Variants in DST observed in about 807,000 individuals in gnomAD.
The protein encoded by DST is dystonin, also known as bullous pemphigoid antigen.
DST carries 253 observed loss-of-function variants against 875.2 expected under a neutral mutation model. The ratio of observed to expected loss-of-function variants is 0.29; its 90% CI spans 0.26 to 0.32. The LOEUF (loss-of-function observed/expected upper bound fraction) is 0.32, where lower values mean the gene tolerates loss of function less well. Among genes scored for constraint, DST ranks in the 10% least tolerant of loss-of-function variants. DST has a pLI of 1.00. For synonymous variants in DST, 3,124 were observed against 3,197.1 expected (o/e 0.98, Z 0.77); for missense variants, 8,287 against 9,111.6 (o/e 0.91, Z 3.68).
intron 4 of DST, among the ~76,000 whole-genome samples, chr6:56,796,591 G>GTC (rs1303049014): frequency 2.0e-5 from 3 of 152,182 alleles, no homozygotes; most frequent in African/African-American, 7.2e-5. Flanking sequence ...TGAAATGCTT[G>GTC]TCTCTAGGAT....
rs749307333 is a variant in DST, at chr6:56,482,848, G to A, written c.21237C>T (p.Thr7079=). 8.0e-5 allele frequency: 126 copies of A among 1,574,632 alleles called. No homozygotes were observed. The highest frequency in any genetic ancestry group is 1.0e-4 in the Non-Finnish European group (121 of 1,159,894). ...AGCGCTTCAGGGCCTGCACACTGCTGGTCCTCTTCCCCAACTCTTTTTGGA... is the reference window on the plus strand; with the variant it reads ...AGCGCTTCAGGGCCTGCACACTGCTAGTCCTCTTCCCCAACTCTTTTTGGA... The part of the protein sequence containing the change: ...KAFQKELGKR[T]SSVQALKRSA... The change falls in exon 89 of 104, where the codon ACC becomes ACT. Residue 7079 remains threonine, a synonymous_variant. Coordinates refer to ENST00000680361, the MANE Select transcript of DST (RefSeq NM_001374736.1).
intron 15 of DST, among the ~76,000 whole-genome samples, chr6:56,645,014 G>A (rs1411368962): frequency 6.6e-6 from 1 of 152,222 alleles, no homozygotes; most frequent in Non-Finnish European, 1.5e-5. Flanking sequence ...CTTGCCTGCT[G>A]ACATGTAAGA....
chr6:56,508,675 G>A lies in DST; in HGVS notation c.19093C>T (p.Leu6365=), dbSNP rs1319798868. ...TLVEEREAKL[L]DVMELAEKFW... is the part of the protein sequence containing the mutation. Reference sequence around the variant, plus strand: ...TTTTCTGCTAGCTCCATCACATCCAGTAGTTTGGCTTCCCTCTCTTCCACC... The same window carrying A: ...TTTTCTGCTAGCTCCATCACATCCAATAGTTTGGCTTCCCTCTCTTCCACC... The change falls in exon 75 of 104, where the codon CTG becomes TTG. Residue 6365 remains leucine, a synonymous_variant. Coordinates refer to ENST00000680361, the MANE Select transcript of DST (RefSeq NM_001374736.1). The A allele has an allele frequency of 6.2e-7, 1 of 1,613,848 alleles. No individual in the cohort carries two copies. Among genetic ancestry groups the A allele is most frequent in the Non-Finnish European group, 8.5e-7 (1 of 1,179,792 alleles).
At chr6:56,616,859 T>C (rs778028416) in intron 36 of DST, 7 of 1,614,146 alleles carry the variant, frequency 4.3e-6, no homozygotes, top group Non-Finnish European at 5.9e-6. Flanking sequence ...AATTCTGAAT[T>C]CGGGGTCAAC....
chr6:56,681,058 T>A (rs919969509), intron 9 of DST, among the ~76,000 whole-genome samples: 15 of 152,214 alleles, frequency 9.9e-5, no homozygotes, highest in Admixed American at 2.0e-4. Context: ...TGAACTTGAA[T>A]CTGTCTGGCT....
intron 61 of DST, among the ~76,000 whole-genome samples, chr6:56,544,165 G>A (rs543828735): frequency 2.6e-4 from 40 of 152,322 alleles, no homozygotes; most frequent in African/African-American, 8.9e-4. Flanking sequence ...TACCACGCTT[G>A]AACAGTGGAT....
intron 5 of DST, among the ~76,000 whole-genome samples, chr6:56,724,580 G>A (rs997281160): frequency 5.9e-5 from 9 of 152,124 alleles, no homozygotes; most frequent in East Asian, 1.9e-4. Context: ...ATCTAATCTC[G>A]GCTAAACTCA....
chr6:56,764,998 G>GC, intron 4 of DST, among the ~76,000 whole-genome samples: 1 of 144,602 alleles, frequency 6.9e-6, no homozygotes, highest in Admixed American at 6.9e-5. Context: ...AGGGAGGGAG[G>GC]AAGGGAGGGA....
chr6:56,530,014 G>C lies in DST; in HGVS notation c.17228C>G (p.Thr5743Ser). 6.2e-7 allele frequency: 1 copy of C among 1,613,034 alleles called. No individual in the cohort carries two copies. ...TTGTTCCTCAAGTTTAGATGCTTGG[G>C]TTCCTATGGGTTCACAATTCACCAG... ...KRLVNCEPIG[T>S]QASKLEEQIA... The change falls in exon 65 of 104, where the codon ACC (threonine) becomes AGC (serine). Residue 5743 changes from threonine (T) to serine (S), a missense_variant. This residue lies in a region of DST where 777 missense variants were observed against 764.8 expected (regional missense o/e 1.02). Coordinates refer to ENST00000680361, the MANE Select transcript of DST (RefSeq NM_001374736.1).
chr6:56,940,735 G>A (rs371630550), intron 2 of DST, among the ~76,000 whole-genome samples: 25 of 151,638 alleles, frequency 1.6e-4, no homozygotes, highest in African/African-American at 5.1e-4. Context: ...GCAAGCCACC[G>A]TGCCTGGCTT....
intron 43 of DST, 85 bp from the exon 44 acceptor site, chr6:56,601,761 T>A: frequency 1.2e-6 from 1 of 840,184 alleles, no homozygotes; most frequent in Non-Finnish European, 1.8e-6. Context: ...GTTTTGTAAA[T>A]ACATTTCTCA....
rs2094185613 is a variant in DST at position 56,458,947 on chromosome 6, C to T, written c.*58G>A. 4.8e-6 allele frequency: 7 copies of T among 1,461,866 alleles called. No homozygotes were observed. Among genetic ancestry groups the T allele is most frequent in the Non-Finnish European group, 6.4e-6 (7 of 1,101,556 alleles). 90.6% of individuals were successfully genotyped at this position (1,461,866 alleles called of 1,614,324 possible). A position where few individuals can be genotyped will look rare whatever the true frequency, so the allele number is the denominator to read the frequency against. ...ACAAGAATTTCTACACCATATTTTA[C>T]ATCGTTCAAACTTAAATAATAAATG... On this transcript the variant is annotated 3_prime_UTR_variant, in exon 104 of 104. Transcript: ENST00000680361.
chr6:56,863,885 G>A (rs1772607625), intron 3 of DST: 1 of 152,272 alleles, frequency 6.6e-6, no homozygotes, highest in Non-Finnish European at 1.5e-5. Context: ...TTTGCAAGTG[G>A]AGAATCCAGG....
chr6:56,774,882 C>G (rs1394249765), intron 4 of DST, among the ~76,000 whole-genome samples: 9 of 150,834 alleles, frequency 6.0e-5, no homozygotes, highest in African/African-American at 2.2e-4. Context: ...ATCCCAGCTA[C>G]TTGGGAGGCT....
At chr6:56,668,893 G>C (rs2099085560) in intron 10 of DST, among the ~76,000 whole-genome samples, 1 of 151,810 alleles carries the variant, frequency 6.6e-6, no homozygotes, top group African/African-American at 2.4e-5. Flanking sequence ...GAAAAGGGGA[G>C]AGAAAAGAGA....
At chr6:56,844,984 G>T (rs541021056) in intron 4 of DST, among the ~76,000 whole-genome samples, 1 of 152,180 alleles carries the variant, frequency 6.6e-6, no homozygotes, top group Non-Finnish European at 1.5e-5. Flanking sequence ...CAGTAAAACA[G>T]CGATAGTAGT....
chr6:56,880,738 T>C (rs1781718869), intron 3 of DST, among the ~76,000 whole-genome samples: 1 of 151,602 alleles, frequency 6.6e-6, no homozygotes, highest in Non-Finnish European at 1.5e-5. Flanking sequence ...TGTTCTGTTT[T>C]TCAACTTATC....
Position 56,605,298 on chromosome 6 carries a change from T to C in DST, c.9330A>G (p.Lys3110=), listed in dbSNP as rs780937264. ...CATCTTTAAGAGTTACAGTTGCTTT[T>C]TTAAGGCTTCCTTTCTGATTAAGTT... ...NEELNQKGSL[K]KATVTLKDEP... The change falls in exon 40 of 104, where the codon AAA becomes AAG. Residue 3110 remains lysine, a synonymous_variant. Coordinates refer to ENST00000680361, the MANE Select transcript of DST (RefSeq NM_001374736.1). 3.2e-5 allele frequency: 51 copies of C among 1,611,682 alleles called. No individual in the cohort carries two copies. The South Asian group carries it at 3.2e-4, about 10-fold the overall frequency.
At chr6:56,539,381 C>T (rs1014866749) in intron 61 of DST, among the ~76,000 whole-genome samples, 2 of 152,098 alleles carry the variant, frequency 1.3e-5, no homozygotes, top group African/African-American at 2.4e-5. Flanking sequence ...AATTAGCATG[C>T]CATTTACTGC....
Sources: allele counts gnomAD v4.1 joint callset (sites outside exome capture counted in the v4.1 genomes callset), GRCh38; gene constraint gnomAD v4.1.1; regional missense constraint gnomAD v4.1.1; transcripts MANE v1.5; gene names NCBI Gene and HGNC (gene_info 2026-07-23, HGNC 2026-07-21).